The following L3MBTL2 variants were observed in gnomAD, a reference collection of about 807,000 sequenced individuals.
L3MBTL2 encodes the protein lethal(3)malignant brain tumor-like protein 2.
A neutral mutation model predicts 86.4 loss-of-function variants in L3MBTL2; 49 were observed. The ratio of observed to expected loss-of-function variants is 0.57; its 90% CI spans 0.45 to 0.72. L3MBTL2 has a LOEUF of 0.72. Among genes scored for constraint, L3MBTL2 ranks in the 30% least tolerant of loss-of-function variants. The pLI is 0.00. For missense variants in L3MBTL2, 755 were observed against 923.7 expected, an observed-to-expected ratio of 0.82 and a Z score of 2.37; for synonymous variants, 336 against 350.6, an observed-to-expected ratio of 0.96 and a Z score of 0.47.
rs1434086860 is a variant in L3MBTL2 at position 41,227,521 on chromosome 22, CTCCT to C, written c.1822+205_1822+208del. ...CTCCCTTTCCCTCTGGCCTGCAGAG[CTCCT>C]TCCTTCATCTTGCCCACTCTGTCAT... On this transcript the variant is annotated intron_variant, in intron 14 of 16. Coordinates refer to ENST00000216237, the MANE Select transcript of L3MBTL2 (RefSeq NM_031488.5). This position sits in a 1 kb window ranked among gnomAD's most constrained non-coding sequence, Gnocchi z 6.0. 7 of 1,425,236 alleles carry C rather than the reference CTCCT, an allele frequency of 4.9e-6. No individual in the cohort carries two copies. In the African/African-American group the frequency reaches 9.9e-5, roughly 20 times the overall value. 88.3% of individuals were successfully genotyped at this position (1,425,236 alleles called of 1,614,324 possible). A position where few individuals can be genotyped will look rare whatever the true frequency, so the allele number is the denominator to read the frequency against.
rs544192051 is a variant in L3MBTL2 at position 41,216,324 on chromosome 22, G to A, written c.520+62G>A. The A allele has an allele frequency of 8.9e-6, 14 of 1,579,164 alleles. No individual in the cohort carries two copies. In the African/African-American group the frequency reaches 1.6e-4, roughly 18 times the overall value. On this transcript the variant is annotated intron_variant, in intron 4 of 16. Transcript: ENST00000216237. Reference sequence around the variant, plus strand: ...TGGCTGGGGAGGAGACTGGGTTTGGGGTGGCCTTTCCTAGGAATGAAGACT... The same window carrying A: ...TGGCTGGGGAGGAGACTGGGTTTGGAGTGGCCTTTCCTAGGAATGAAGACT...
At chr22:41,205,620 G>A (rs1190698345) in intron 1 of L3MBTL2, among the ~76,000 whole-genome samples, 2 of 152,124 alleles carry the variant, frequency 1.3e-5, no homozygotes, top group African/African-American at 4.8e-5. Flanking sequence ...CCCTGGCCTG[G>A]GGGAAAGGGA....
chr22:41,230,456 C>A lies in L3MBTL2; in HGVS notation c.*205C>A. On this transcript the variant is annotated 3_prime_UTR_variant, in exon 17 of 17. Coordinates refer to ENST00000216237, the MANE Select transcript of L3MBTL2 (RefSeq NM_031488.5). ...CTTCTGCCCTCCCCTGTGGAAAGGT[C>A]TATATGACGGGCCGCCTGAGGCCCC... is the stretch of plus-strand genomic sequence containing the variant. The A allele has an allele frequency of 1.8e-6, 1 of 543,630 alleles. No individual in the cohort carries two copies. The highest frequency in any genetic ancestry group is 2.4e-5 in the South Asian group (1 of 42,410). The allele number at this position is 543,630 out of a possible 1,614,324, so 33.7% of individuals were successfully genotyped here. A position where few individuals can be genotyped will look rare whatever the true frequency, so the allele number is the denominator to read the frequency against.
chr22:41,222,883 T>C (rs575195037), intron 8 of L3MBTL2, among the ~76,000 whole-genome samples: 14 of 152,030 alleles, frequency 9.2e-5, no homozygotes, highest in Non-Finnish European at 7.4e-5. Flanking sequence ...ATCGTGCCAC[T>C]GCACTTCAGT....
chr22:41,226,262 G>A (rs1332828280), intron 12 of L3MBTL2, among the ~76,000 whole-genome samples: 2 of 152,164 alleles, frequency 1.3e-5, no homozygotes, highest in African/African-American at 2.4e-5. Flanking sequence ...GGGCGACAGA[G>A]CAAGACTCTG....
At chr22:41,209,042 A>G (rs1322041891) in intron 1 of L3MBTL2, 1 of 152,322 alleles carries the variant, frequency 6.6e-6, no homozygotes, top group Non-Finnish European at 1.5e-5. Context: ...TGCCTGGCTA[A>G]GAATTAATTT....
Position 41,227,802 on chromosome 22 carries a change from A to T in L3MBTL2, c.1823-2A>T, listed in dbSNP as rs1304661493. ...TCTTTCACCCTTGTCTTTCAACAAC[A>T]GAACCGGCCACACCGCTGAAGGCCA... On this transcript the variant is annotated splice_acceptor_variant, in intron 14 of 16. Transcript: ENST00000216237. LOFTEE classifies it high-confidence loss of function. This position sits in a 1 kb window ranked among gnomAD's most constrained non-coding sequence, Gnocchi z 6.0. 6.2e-7 allele frequency: 1 copy of T among 1,613,688 alleles called. No homozygotes were observed. The highest frequency in any genetic ancestry group is 8.5e-7 in the Non-Finnish European group (1 of 1,179,788).
chr22:41,229,370 A>C (rs902356189), intron 15 of L3MBTL2, 170 bp from the exon 16 acceptor site: 3 of 667,138 alleles, frequency 4.5e-6, no homozygotes, highest in Non-Finnish European at 7.4e-6. Flanking sequence ...ATCTGAGCTC[A>C]GGGCACATAG....
At chr22:41,226,477 A>G (rs1206697905) in intron 12 of L3MBTL2, among the ~76,000 whole-genome samples, 185 bp from the exon 13 acceptor site, 1 of 152,138 alleles carries the variant, frequency 6.6e-6, no homozygotes, top group Non-Finnish European at 1.5e-5. Flanking sequence ...TCAGTGAACA[A>G]CCTATACAAC....
Position 41,227,892 on chromosome 22 carries a change from C to T in L3MBTL2, c.1888+23C>T. 2 of 1,608,196 alleles carry T rather than the reference C, an allele frequency of 1.2e-6. No individual in the cohort carries two copies. Among genetic ancestry groups the T allele is most frequent in the Non-Finnish European group, 1.7e-6 (2 of 1,176,932 alleles). On this transcript the variant is annotated intron_variant, in intron 15 of 16. Transcript: ENST00000216237. This position sits in a 1 kb window ranked among gnomAD's most constrained non-coding sequence, Gnocchi z 6.0. ...AAAGTAAGTGCTGCACCGGTGCAGC[C>T]AGGCTGGTGTGGGCCTGGGAGCAGT...
chr22:41,218,799 T>C (rs1390750173), intron 5 of L3MBTL2: 3 of 152,044 alleles, frequency 2.0e-5, no homozygotes, highest in African/African-American at 7.2e-5. Context: ...GCTAATTTTG[T>C]ATTTTTAGTA....
At chr22:41,209,639 C>G in intron 1 of L3MBTL2, 57 bp from the exon 2 acceptor site, 1 of 1,498,950 alleles carries the variant, frequency 6.7e-7, no homozygotes, top group Non-Finnish European at 9.3e-7. Flanking sequence ...GCTTCTCCCC[C>G]CGTGCACTAA....
chr22:41,218,712 C>T (rs564714701), intron 5 of L3MBTL2: 11 of 152,282 alleles, frequency 7.2e-5, no homozygotes, highest in Admixed American at 7.2e-4. Flanking sequence ...CAGCCTCCCC[C>T]TCCCAGGTTC....
rs1184945439 is a variant in L3MBTL2 at position 41,220,781 on chromosome 22, C to T, written c.766C>T (p.His256Tyr). 8 of 1,614,044 alleles carry T rather than the reference C, an allele frequency of 5.0e-6. No homozygotes were observed. The highest frequency in any genetic ancestry group is 4.4e-5 in the South Asian group (4 of 91,070). ...TGAAGGCTTTGAAAATGACGCCAGC[C>T]ATGACTTCTGGTGCAACCTGGGAAC... ...RYEGFENDAS[H>Y]DFWCNLGTVD... The change falls in exon 7 of 17, where the codon CAT becomes TAT. Residue 256 changes from histidine to tyrosine, a missense_variant. Physicochemically the swap from His to Tyr is moderately conservative, Grantham distance 83. This residue lies in a region of L3MBTL2 where 634 missense variants were observed against 748.9 expected (regional missense o/e 0.85). Transcript: ENST00000216237.
chr22:41,214,161 A>G, intron 3 of L3MBTL2, 135 bp downstream of exon 3: 1 of 848,968 alleles, frequency 1.2e-6, no homozygotes, highest in Non-Finnish European at 1.9e-6. Context: ...TATGTTCTCA[A>G]ACTTCAGAGG....
At position 41,225,826 on chromosome 22, in the gene L3MBTL2, G is replaced by C; in HGVS notation, c.1389G>C (p.Val463=). The C allele has an allele frequency of 6.2e-7, 1 of 1,614,032 alleles. No homozygotes were observed. The highest frequency in any genetic ancestry group is 8.5e-7 in the Non-Finnish European group (1 of 1,179,922). Reference sequence around the variant, plus strand: ...TGGATGGATACCTGATGATCTGTGTGGACGGGGGGCCCTCCACAGATGGCT... The same window carrying C: ...TGGATGGATACCTGATGATCTGTGTCGACGGGGGGCCCTCCACAGATGGCT... ...VLLDGYLMIC[V]DGGPSTDGLD... Residue 463 remains valine, a synonymous_variant, in exon 12 of 17, where the codon GTG becomes GTC. Transcript: ENST00000216237. The surrounding 1 kb of genome is among the most constrained non-coding windows in gnomAD (Gnocchi z 4.1).
intron 6 of L3MBTL2, among the ~76,000 whole-genome samples, chr22:41,220,503 C>T (rs890559112): frequency 1.3e-5 from 2 of 151,922 alleles, no homozygotes; most frequent in African/African-American, 4.8e-5. Context: ...CTGGCTAACA[C>T]GGTGAAACCC....
At chr22:41,223,671 G>T (rs933983262) in intron 8 of L3MBTL2, among the ~76,000 whole-genome samples, 1 of 152,258 alleles carries the variant, frequency 6.6e-6, no homozygotes, top group Non-Finnish European at 1.5e-5. Context: ...ATGAGTCTGT[G>T]TAATTCTGGG....
chr22:41,210,653 G>A (rs1430032738), intron 2 of L3MBTL2, among the ~76,000 whole-genome samples: 1 of 151,946 alleles, frequency 6.6e-6, no homozygotes, highest in East Asian at 1.9e-4. Flanking sequence ...TAGTAGAGGC[G>A]GGGTTTCACC....
Sources: gnomAD v4.1 joint callset for allele counts (sites outside exome capture counted in the v4.1 genomes callset) on GRCh38, gnomAD v4.1.1 for gene constraint, gnomAD v4.1.1 regional missense constraint, Gnocchi (gnomAD v3.1) non-coding constraint, MANE v1.5 for transcripts, NCBI Gene and HGNC (gene_info 2026-07-23, HGNC 2026-07-21) for gene names.